Variants in GARNL3 observed in about 807,000 individuals in gnomAD.
GARNL3 encodes GTPase-activating Rap/Ran-GAP domain-like protein 3.
A neutral mutation model predicts 125.0 loss-of-function variants in GARNL3; 63 were observed. That is an observed-to-expected ratio of 0.50 (90% CI 0.41 to 0.62). The LOEUF (loss-of-function observed/expected upper bound fraction) is 0.62, where lower values mean the gene tolerates loss of function less well. GARNL3 is among the 20% of genes least tolerant of loss of function. The pLI is 0.00. For missense variants in GARNL3, 994 were observed against 1,244.0 expected, an observed-to-expected ratio of 0.80 and a Z score of 3.02; for synonymous variants, 439 against 457.5, an observed-to-expected ratio of 0.96 and a Z score of 0.52.
At chr9:127,300,775 C>T (rs887759222) in intron 2 of GARNL3, 22 of 373,994 alleles carry the variant, frequency 5.9e-5, no homozygotes, top group South Asian at 4.6e-4. Flanking sequence ...AAATTTTCTA[C>T]AGTAAGTTTT....
At chr9:127,269,710 A>G (rs2063776424) in intron 1 of GARNL3, among the ~76,000 whole-genome samples, 1 of 149,840 alleles carries the variant, frequency 6.7e-6, no homozygotes, top group African/African-American at 2.5e-5. Flanking sequence ...CCATTTGTGT[A>G]TCTTCTTTGG....
intron 11 of GARNL3, among the ~76,000 whole-genome samples, chr9:127,337,146 C>T (rs1382271772): frequency 6.6e-6 from 1 of 152,060 alleles, no homozygotes; most frequent in African/African-American, 2.4e-5. Flanking sequence ...TATGCACTTG[C>T]ACCTTCATTA....
chr9:127,308,356 A>G (rs1267346042), intron 2 of GARNL3, among the ~76,000 whole-genome samples: 1 of 152,206 alleles, frequency 6.6e-6, no homozygotes, highest in East Asian at 1.9e-4. Context: ...AAAATCAGAC[A>G]CAAAGAAGGG....
At chr9:127,261,332 A>G (rs2063584810), upstream of GARNL3, among the ~76,000 whole-genome samples, 1 of 151,622 alleles carries the variant, frequency 6.6e-6, no homozygotes, top group African/African-American at 2.4e-5. Flanking sequence ...CTTGGGCCCC[A>G]GAGTCCTCTC....
intron 6 of GARNL3, 73 bp from the exon 7 acceptor site, chr9:127,324,996 G>T: frequency 7.0e-7 from 1 of 1,429,194 alleles, no homozygotes; most frequent in South Asian, 1.2e-5. Context: ...ACCAAAGCTT[G>T]GCTTTCACAG....
intron 2 of GARNL3, among the ~76,000 whole-genome samples, chr9:127,257,053 C>A (rs1217126176): frequency 6.6e-6 from 1 of 152,174 alleles, no homozygotes; most frequent in East Asian, 1.9e-4. Context: ...GGACATTTTC[C>A]ATTCAGCATA....
chr9:127,379,469 C>T (rs186008654), intron 22 of GARNL3, among the ~76,000 whole-genome samples: 1 of 152,162 alleles, frequency 6.6e-6, no homozygotes, highest in Non-Finnish European at 1.5e-5. Flanking sequence ...GATTCTGGCA[C>T]CCTCTCTCTG....
At chr9:127,300,465 G>T in intron 2 of GARNL3, 1 of 413,380 alleles carries the variant, frequency 2.4e-6, no homozygotes, top group South Asian at 1.8e-5. Context: ...TTGTTTGGGT[G>T]AATTTTCTTT....
At chr9:127,286,856 T>C (rs1167340927) in intron 1 of GARNL3, among the ~76,000 whole-genome samples, 6 of 152,216 alleles carry the variant, frequency 3.9e-5, no homozygotes, top group Non-Finnish European at 7.3e-5. Context: ...GGTGTATTAG[T>C]TGGCTTAGAA....
At chr9:127,342,645 G>C (rs1829923262) in intron 14 of GARNL3, among the ~76,000 whole-genome samples, 2 of 152,038 alleles carry the variant, frequency 1.3e-5, no homozygotes, top group African/African-American at 2.4e-5. Flanking sequence ...TGCTTTTTTT[G>C]GGGTGGCTGT....
intron 19 of GARNL3, among the ~76,000 whole-genome samples, chr9:127,354,831 T>C (rs1384225808): frequency 6.6e-6 from 1 of 152,194 alleles, no homozygotes; most frequent in African/African-American, 2.4e-5. Flanking sequence ...TCACTCTTGT[T>C]GCCCAGGCTG....
In GARNL3 at chr9:127,355,361, G is replaced by A. The variant is rs756444403; in HGVS notation, c.1824G>A (p.Arg608=). 6.2e-7 allele frequency: 1 copy of A among 1,614,206 alleles called. No individual in the cohort carries two copies. The change falls in exon 20 of 28, where the codon CGG becomes CGA. Residue 608 remains arginine, a synonymous_variant. Transcript: ENST00000373387. ...SRELRIVVAI[R]NKLLLITRKH... ...AGCTGAGGATTGTGGTTGCAATTCG[G>A]AATAAACTGCTTCTGATCACAAGAA... is the stretch of plus-strand genomic sequence containing the variant.
chr9:127,251,459 A>G (rs1235615684), intron 2 of GARNL3, among the ~76,000 whole-genome samples: 2 of 152,166 alleles, frequency 1.3e-5, no homozygotes, highest in Admixed American at 6.5e-5. Flanking sequence ...TGAAGTAAAC[A>G]TTTTAGAAAA....
chr9:127,383,449 TATAA>T lies in GARNL3; in HGVS notation c.2175_2178del (p.Tyr725Ter). On this transcript the variant is annotated frameshift_variant, in exon 23 of 28. Transcript: ENST00000373387. LOFTEE classifies it high-confidence loss of function. ...TGTTTTCATTGCAGACAGTTGCATC[TATAA>T]AAAGGTTTGCCCCTTTAATGGTGGC... is the stretch of plus-strand genomic sequence containing the variant. The T allele has an allele frequency of 6.2e-7, 1 of 1,606,972 alleles. No individual in the cohort carries two copies. Among genetic ancestry groups the T allele is most frequent in the Non-Finnish European group, 8.5e-7 (1 of 1,176,120 alleles).
At chr9:127,263,940 A>C, upstream of GARNL3, 5 of 1,515,020 alleles carry the variant, frequency 3.3e-6, no homozygotes. Context: ...CTCTTTCTGC[A>C]TGTGCCAAGA....
rs368351661 is a variant in GARNL3, at chr9:127,365,285, C to T, written c.2095-15C>T. ...CATCCAGCCTGCCCACTACCGTTGC[C>T]CGTTATCATTGCAGGTTAATTTTGT... On this transcript the variant is annotated splice_polypyrimidine_tract_variant and intron_variant, in intron 21 of 27. Transcript: ENST00000373387. 3.5e-5 allele frequency: 56 copies of T among 1,610,816 alleles called. 1 individual carries two copies. The African/African-American group carries it at 6.9e-4, about 20-fold the overall frequency.
intron 5 of GARNL3, among the ~76,000 whole-genome samples, chr9:127,318,566 A>G (rs567124876): frequency 2.8e-4 from 42 of 152,222 alleles, no homozygotes; most frequent in Non-Finnish European, 4.6e-4. Context: ...ATAGAAACCC[A>G]GATGTCAGCA....
Position 127,335,233 on chromosome 9 carries a change from A to G in GARNL3, c.773A>G (p.Asp258Gly). The change falls in exon 10 of 28, where the codon GAT becomes GGT. Residue 258 changes from aspartate to glycine, a missense_variant. By Grantham distance (94) the Asp-to-Gly change is moderately conservative. Around this residue, in one of 5 missense-constraint regions of GARNL3, gnomAD observed 71 missense variants for 66.2 expected, o/e 1.07. Coordinates refer to ENST00000373387, the MANE Select transcript of GARNL3 (RefSeq NM_032293.5). ...AATGCATATTTATATTTTGCAGATG[A>G]TACCACAGGGATACATTCAGTTTAT... ...GYRGGLDTKN[D>G]TTGIHSVYTV... is the part of the protein sequence containing the mutation. 3 of 1,609,122 alleles carry G rather than the reference A, an allele frequency of 1.9e-6. No homozygotes were observed. The Admixed American group carries it at 5.0e-5, about 27-fold the overall frequency.
chr9:127,329,373 A>G (rs1398669621), intron 7 of GARNL3, among the ~76,000 whole-genome samples: 1 of 152,134 alleles, frequency 6.6e-6, no homozygotes, highest in Non-Finnish European at 1.5e-5. Context: ...GCAAACTTGG[A>G]CACATGATCT....
Sources: allele counts gnomAD v4.1 joint callset (sites outside exome capture counted in the v4.1 genomes callset), GRCh38; gene constraint gnomAD v4.1.1; regional missense constraint gnomAD v4.1.1; transcripts MANE v1.5; gene names NCBI Gene and HGNC (gene_info 2026-07-23, HGNC 2026-07-21).